Variants in KCNQ3 observed in about 807,000 individuals in gnomAD.
The protein encoded by KCNQ3 is potassium voltage-gated channel subfamily KQT member 3.
Under a neutral mutation model 92.5 loss-of-function variants are expected in KCNQ3, and 30 were observed. The ratio of observed to expected loss-of-function variants is 0.32; its 90% CI spans 0.24 to 0.44. The LOEUF is 0.44. Ranked by LOEUF, KCNQ3 falls within the 20% of genes least tolerant of loss-of-function variation. The pLI is 1.00. For missense variants in KCNQ3, 913 were observed against 1,140.3 expected, an observed-to-expected ratio of 0.80 and a Z score of 2.87; for synonymous variants, 450 against 468.8, an observed-to-expected ratio of 0.96 and a Z score of 0.52.
At chr8:132,209,938 A>G (rs1473651710) in intron 1 of KCNQ3, among the ~76,000 whole-genome samples, 2 of 152,158 alleles carry the variant, frequency 1.3e-5, no homozygotes, top group East Asian at 3.8e-4. Context: ...GTGTGTGTGT[A>G]AATTGTCTTC....
chr8:132,363,916 C>T (rs1819242005), intron 1 of KCNQ3, among the ~76,000 whole-genome samples: 1 of 151,902 alleles, frequency 6.6e-6, no homozygotes, highest in Non-Finnish European at 1.5e-5. Flanking sequence ...TTTAAAACTA[C>T]AATCTCTCAA....
At chr8:132,275,617 G>A (rs1052615401) in intron 1 of KCNQ3, among the ~76,000 whole-genome samples, 7 of 148,858 alleles carry the variant, frequency 4.7e-5, no homozygotes, top group Non-Finnish European at 1.0e-4. Context: ...TTGCTCTGTC[G>A]CCCAGGCTGG....
At chr8:132,161,445 A>G (rs11993002) in intron 9 of KCNQ3, among the ~76,000 whole-genome samples, 18,236 of 152,094 alleles carry the variant, frequency 0.12, 1,513 homozygotes, top group African/African-American at 0.23. Flanking sequence ...CTTGGCCAAC[A>G]TGGTGAAACC....
intron 1 of KCNQ3, among the ~76,000 whole-genome samples, chr8:132,295,370 A>G (rs1389512809): frequency 6.6e-6 from 1 of 152,238 alleles, no homozygotes; most frequent in Non-Finnish European, 1.5e-5. Context: ...GATGATTAAA[A>G]AGTCAAGAAA....
intron 1 of KCNQ3, among the ~76,000 whole-genome samples, chr8:132,311,382 G>T (rs111374755): frequency 8.2e-3 from 1 of 122 alleles, no homozygotes; most frequent in Admixed American, 0.25. Flanking sequence ...AGATTGTCCC[G>T]TTTACTAATT....
chr8:132,258,678 G>T (rs958078577), intron 1 of KCNQ3, among the ~76,000 whole-genome samples: 1 of 151,792 alleles, frequency 6.6e-6, no homozygotes, highest in African/African-American at 2.4e-5. Flanking sequence ...ATGAAATAGA[G>T]AACAGAAAAA....
chr8:132,376,054 A>G (rs1002395098), intron 1 of KCNQ3, among the ~76,000 whole-genome samples: 1 of 152,132 alleles, frequency 6.6e-6, no homozygotes, highest in African/African-American at 2.4e-5. Context: ...GCCCTCATGG[A>G]ACATGCATGT....
intron 1 of KCNQ3, among the ~76,000 whole-genome samples, chr8:132,357,582 A>G (rs1479631818): frequency 2.6e-5 from 4 of 152,172 alleles, no homozygotes; most frequent in Non-Finnish European, 5.9e-5. Flanking sequence ...CCTAGCCAAA[A>G]GGAGATATGG....
At chr8:132,422,660 G>A (rs1039445105) in intron 1 of KCNQ3, among the ~76,000 whole-genome samples, 2 of 152,186 alleles carry the variant, frequency 1.3e-5, no homozygotes, top group East Asian at 1.9e-4. Context: ...CTCCCCTTCC[G>A]GCAGCTGTAT....
intron 1 of KCNQ3, among the ~76,000 whole-genome samples, chr8:132,262,519 G>A (rs1181331942): frequency 6.6e-6 from 1 of 152,130 alleles, no homozygotes; most frequent in Non-Finnish European, 1.5e-5. Flanking sequence ...TGAGCTGAGC[G>A]GTTCAGAATG....
intron 3 of KCNQ3, among the ~76,000 whole-genome samples, chr8:132,181,362 C>T (rs1826767487): frequency 6.6e-6 from 1 of 152,068 alleles, no homozygotes; most frequent in Non-Finnish European, 1.5e-5. Context: ...ATGGGTTTTA[C>T]AAAATTATTA....
At chr8:132,417,224 G>A (rs1158089362) in intron 1 of KCNQ3, among the ~76,000 whole-genome samples, 1 of 152,206 alleles carries the variant, frequency 6.6e-6, no homozygotes, top group African/African-American at 2.4e-5. Context: ...GAAGCCCCTG[G>A]GATTGGCAAT....
chr8:132,153,983 G>A (rs1036771703), intron 9 of KCNQ3, among the ~76,000 whole-genome samples: 16 of 100,158 alleles, frequency 1.6e-4, no homozygotes, highest in African/African-American at 5.9e-4. Flanking sequence ...CCCCTGGGAC[G>A]CCTTTGAAAA....
intron 1 of KCNQ3, among the ~76,000 whole-genome samples, chr8:132,350,478 T>C (rs1476744823): frequency 6.6e-6 from 1 of 152,056 alleles, no homozygotes; most frequent in East Asian, 1.9e-4. Flanking sequence ...ACCTAGCCAA[T>C]GAGCACCCAG....
intron 2 of KCNQ3, among the ~76,000 whole-genome samples, chr8:132,185,169 G>A (rs1215881099): frequency 2.0e-5 from 3 of 152,210 alleles, no homozygotes; most frequent in Non-Finnish European, 4.4e-5. Context: ...GCTCTGGGAC[G>A]TGCTGTTGCA....
At chr8:132,412,845 C>T (rs527258405) in intron 1 of KCNQ3, among the ~76,000 whole-genome samples, 1 of 152,248 alleles carries the variant, frequency 6.6e-6, no homozygotes, top group East Asian at 1.9e-4. Flanking sequence ...TTGCTGTGGT[C>T]CCAAACAAAC....
chr8:132,479,240 C>A (rs1822485977), intron 1 of KCNQ3, among the ~76,000 whole-genome samples: 2 of 152,110 alleles, frequency 1.3e-5, no homozygotes, highest in Non-Finnish European at 1.5e-5. Flanking sequence ...GGAGTTCCTT[C>A]TTCCTTCTGG....
intron 1 of KCNQ3, among the ~76,000 whole-genome samples, chr8:132,288,055 T>C (rs376606163): frequency 2.0e-5 from 3 of 152,368 alleles, no homozygotes; most frequent in South Asian, 4.1e-4. Context: ...TCTTCTTGTA[T>C]GCATAAGTTA....
chr8:132,150,912 T>G (rs1168617196), intron 9 of KCNQ3, among the ~76,000 whole-genome samples: 4 of 152,198 alleles, frequency 2.6e-5, no homozygotes, highest in East Asian at 1.9e-4. Flanking sequence ...CAAATATTTT[T>G]TAAAGGGAAG....
Sources: gnomAD v4.1 joint callset for allele counts (sites outside exome capture counted in the v4.1 genomes callset) on GRCh38, gnomAD v4.1.1 for gene constraint, MANE v1.5 for transcripts, NCBI Gene and HGNC (gene_info 2026-07-23, HGNC 2026-07-21) for gene names.